Variants in TUSC3 observed in about 807,000 individuals in gnomAD.
The protein encoded by TUSC3 is tumor suppressor candidate 3, also known as dolichyl-diphosphooligosaccharide--protein glycosyltransferase subunit TUSC3.
TUSC3 carries 45 observed loss-of-function variants against 44.8 expected under a neutral mutation model. That is an observed-to-expected ratio of 1.00 (90% CI 0.79 to 1.29). The LOEUF (loss-of-function observed/expected upper bound fraction) is 1.29, where lower values mean the gene tolerates loss of function less well. Among genes scored for constraint, TUSC3 ranks in the 50% most tolerant of loss-of-function variants. The probability of loss-of-function intolerance (pLI) is 0.00; values close to 1 mark genes in which losing one functional copy is unlikely to be tolerated. For synonymous variants in TUSC3, 212 were observed against 152.9 expected, an observed-to-expected ratio of 1.39 and a Z score of -2.85; for missense variants, 519 against 437.9, an observed-to-expected ratio of 1.19 and a Z score of -1.65.
intron 2 of TUSC3, among the ~76,000 whole-genome samples, chr8:15,531,276 T>G (rs1159183880): frequency 6.6e-6 from 1 of 152,210 alleles, no homozygotes; most frequent in Admixed American, 6.5e-5. Flanking sequence ...ATTTATTTAT[T>G]TAGAGACACA....
At chr8:15,820,473 C>A in the TUSC3 span, among the ~76,000 whole-genome samples, 10 of 152,082 alleles carry the variant, frequency 6.6e-5, no homozygotes, top group Admixed American at 2.0e-4. Context: ...GTGCACACCA[C>A]CACGCCCAGC....
At chr8:15,524,558 G>A (rs1449107034) in intron 2 of TUSC3, among the ~76,000 whole-genome samples, 1 of 152,110 alleles carries the variant, frequency 6.6e-6, no homozygotes, top group Non-Finnish European at 1.5e-5. Flanking sequence ...TTAATATTTG[G>A]AGGAAGTTTA....
intron 1 of TUSC3, among the ~76,000 whole-genome samples, chr8:15,617,525 T>G (rs1805051109): frequency 6.6e-6 from 1 of 152,082 alleles, no homozygotes; most frequent in African/African-American, 2.4e-5. Context: ...CCTCCCCCTT[T>G]CCTTATTTGT....
chr8:15,610,301 C>T (rs1409060338), intron 1 of TUSC3, among the ~76,000 whole-genome samples: 14 of 152,104 alleles, frequency 9.2e-5, no homozygotes, highest in Admixed American at 5.9e-4. Context: ...ATGATGTTTT[C>T]GCTGATAAAA....
chr8:15,574,534 G>C (rs1198494133), intron 1 of TUSC3, among the ~76,000 whole-genome samples: 1 of 152,016 alleles, frequency 6.6e-6, no homozygotes, highest in Non-Finnish European at 1.5e-5. Context: ...TTAGGTTAGG[G>C]TGGGTCTGGA....
intron 1 of TUSC3, among the ~76,000 whole-genome samples, chr8:15,586,333 A>G (rs1032542185): frequency 2.0e-5 from 3 of 152,092 alleles, no homozygotes; most frequent in African/African-American, 4.8e-5. Flanking sequence ...GGGGTGGGGA[A>G]CAACACCGTT....
intron 1 of TUSC3, among the ~76,000 whole-genome samples, chr8:15,573,176 C>T (rs866501744): frequency 9.0e-4 from 73 of 80,916 alleles, no homozygotes; most frequent in African/African-American, 2.8e-3. Flanking sequence ...CTTTCTCTCT[C>T]TCTCTCTCTC....
chr8:15,628,972 G>C (rs533116428), intron 2 of TUSC3, among the ~76,000 whole-genome samples: 1 of 152,336 alleles, frequency 6.6e-6, no homozygotes, highest in South Asian at 2.1e-4. Flanking sequence ...TGACAAACTG[G>C]TTGTGATACA....
chr8:15,764,126 T>G, intron 10 of TUSC3, 77 bp from the exon 11 acceptor site: 1 of 1,358,328 alleles, frequency 7.4e-7, no homozygotes, highest in Non-Finnish European at 1.0e-6. Context: ...ATGTGCTAAT[T>G]TAGAATGGAA....
chr8:15,828,752 A>C, the TUSC3 span, among the ~76,000 whole-genome samples: 1 of 152,334 alleles, frequency 6.6e-6, no homozygotes, highest in Non-Finnish European at 1.5e-5. Flanking sequence ...TTTGCCACAT[A>C]TTTATATCTT....
intron 6 of TUSC3, among the ~76,000 whole-genome samples, chr8:15,722,261 T>TG (rs111660491): frequency 0.016 from 2,462 of 150,142 alleles, 41 homozygotes; most frequent in African/African-American, 0.047. Context: ...TTTTTTTTTT[T>TG]TTCCTTTACC....
rs180885151 is a variant in TUSC3, at chr8:15,482,818, A to G, written n.92-568A>G. Among the ~76,000 whole-genome samples the G allele has an allele frequency of 4.5e-3, 678 of 152,346 alleles. 4 individuals carry two copies. The highest frequency in any genetic ancestry group is 0.016 in the African/African-American group (652 of 41,584). ...ATAGGAAAAATCCAGTAAACATACA[A>G]TATTAATTGCAAGGTCTTTGTATGA... On this transcript the variant is annotated intron_variant and non_coding_transcript_variant, in intron 1 of 5. Transcript: ENST00000503191.
intron 1 of TUSC3, among the ~76,000 whole-genome samples, chr8:15,582,463 C>T (rs1044856353): frequency 6.6e-6 from 1 of 152,164 alleles, no homozygotes; most frequent in Non-Finnish European, 1.5e-5. Context: ...ACATTTTGAC[C>T]ACTTTGAATA....
At chr8:15,661,695 A>G (rs1335104675) in intron 4 of TUSC3, among the ~76,000 whole-genome samples, 1 of 151,990 alleles carries the variant, frequency 6.6e-6, no homozygotes, top group African/African-American at 2.4e-5. Flanking sequence ...AAGCTATACT[A>G]TACTACAGTC....
At chr8:15,742,660 C>G (rs969272211) in intron 7 of TUSC3, among the ~76,000 whole-genome samples, 17 of 152,250 alleles carry the variant, frequency 1.1e-4, no homozygotes, top group Non-Finnish European at 1.8e-4. Flanking sequence ...GAAAGAAACA[C>G]AAGGGAATCA....
At chr8:15,483,273 T>A (rs28547085) in intron 1 of TUSC3, 44,497 of 183,584 alleles carry the variant, frequency 0.24, 5,916 homozygotes, top group African/African-American at 0.35. Context: ...TTATTAGTTT[T>A]TTTAAAAATC....
At chr8:15,775,137 A>C in the TUSC3 span, among the ~76,000 whole-genome samples, 1 of 152,156 alleles carries the variant, frequency 6.6e-6, no homozygotes, top group Non-Finnish European at 1.5e-5. Flanking sequence ...ACCCATAAAA[A>C]AGTTATGAAG....
At chr8:15,582,627 C>G (rs1404300910) in intron 1 of TUSC3, among the ~76,000 whole-genome samples, 1 of 152,186 alleles carries the variant, frequency 6.6e-6, no homozygotes, top group East Asian at 1.9e-4. Context: ...CCAGCTAAAA[C>G]AGAGTCAAGA....
rs144651596 is a variant in TUSC3, at chr8:15,680,471, G to A, written c.798+6635G>A. On this transcript the variant is annotated intron_variant, in intron 6 of 10. Coordinates refer to ENST00000503731, the MANE Select transcript of TUSC3 (RefSeq NM_006765.4). Reference sequence around the variant, plus strand: ...TGATTCCTGAAACTTTACTGAAATCGTTTATAAAGCCTTTTGGTAGAGTAT... The same window carrying A: ...TGATTCCTGAAACTTTACTGAAATCATTTATAAAGCCTTTTGGTAGAGTAT... Among the ~76,000 whole-genome samples the A allele has an allele frequency of 2.1e-3, 319 of 152,100 alleles. 1 individual carries two copies. Among genetic ancestry groups the A allele is most frequent in the African/African-American group, 7.1e-3 (294 of 41,534 alleles).
Sources: gnomAD v4.1 joint callset for allele counts (sites outside exome capture counted in the v4.1 genomes callset) on GRCh38, gnomAD v4.1.1 for gene constraint, MANE v1.5 for transcripts, NCBI Gene and HGNC (gene_info 2026-07-23, HGNC 2026-07-21) for gene names.